The following VMP1 variants were observed in gnomAD, a reference collection of about 807,000 sequenced individuals.
VMP1 encodes vacuole membrane protein 1.
A neutral mutation model predicts 56.0 loss-of-function variants in VMP1; 11 were observed. The ratio of observed to expected loss-of-function variants is 0.20; its 90% CI spans 0.12 to 0.32. The LOEUF (loss-of-function observed/expected upper bound fraction) is 0.32. Ranked by LOEUF, VMP1 falls within the 10% of genes least tolerant of loss-of-function variation. VMP1 has a pLI of 1.00. For synonymous variants in VMP1, 149 were observed against 165.0 expected (o/e 0.90, Z 0.74); for missense variants, 296 against 490.3 (o/e 0.60, Z 3.74).
rs768031075 is a variant in VMP1 at position 59,737,568 on chromosome 17, C to G, written c.303+25C>G. The G allele has an allele frequency of 2.5e-6, 4 of 1,579,074 alleles. No homozygotes were observed. In the South Asian group the frequency reaches 3.5e-5, roughly 14 times the overall value. On this transcript the variant is annotated intron_variant, in intron 4 of 11. Coordinates refer to ENST00000262291, the MANE Select transcript of VMP1 (RefSeq NM_030938.5). ...GGTGAGAGGTCGAGCAATTCTGTTT[C>G]TAGTCTTGCACATTCTCTAATTCTC...
At chr17:59,765,678 AGAGGCT>A (rs1038289943) in intron 6 of VMP1, among the ~76,000 whole-genome samples, 6 of 152,110 alleles carry the variant, frequency 3.9e-5, no homozygotes, top group African/African-American at 1.4e-4. Flanking sequence ...TTCATGTTGA[AGAGGCT>A]GAGGCTGAGG....
At chr17:59,815,769 A>G (rs772798587) in intron 9 of VMP1, among the ~76,000 whole-genome samples, 1 of 149,670 alleles carries the variant, frequency 6.7e-6, no homozygotes, top group African/African-American at 2.5e-5. Flanking sequence ...AGGCAGGAGA[A>G]TGACGTGAAC....
Position 59,808,831 on chromosome 17 carries a change from A to G in VMP1, c.750A>G (p.Lys250=), listed in dbSNP as rs769761306. 1.1e-5 allele frequency: 18 copies of G among 1,613,980 alleles called. No individual in the cohort carries two copies. In the Admixed American group the frequency reaches 1.7e-4, roughly 15 times the overall value. ...FASRAKLAVQ[K]LVQKVGFFGI... is the part of the protein sequence containing the mutation. ...CCCGGGCCAAACTGGCAGTTCAAAA[A>G]CTAGTACAGAAAGTTGGATTTTTTG... The change falls in exon 8 of 12, where the codon AAA becomes AAG. Residue 250 remains lysine (K), a synonymous_variant. Coordinates refer to ENST00000262291, the MANE Select transcript of VMP1 (RefSeq NM_030938.5).
chr17:59,740,340 C>G (rs186703392), intron 5 of VMP1, among the ~76,000 whole-genome samples: 6 of 152,184 alleles, frequency 3.9e-5, no homozygotes, highest in African/African-American at 1.4e-4. Context: ...GAAAACACTT[C>G]CATATTTGAA....
At chr17:59,729,412 G>A (rs1459645145) in intron 1 of VMP1, among the ~76,000 whole-genome samples, 1 of 151,064 alleles carries the variant, frequency 6.6e-6, no homozygotes, top group Non-Finnish European at 1.5e-5. Context: ...GAACTCGGGA[G>A]GCAGAGGTTG....
At chr17:59,734,659 A>G (rs2034951361) in intron 2 of VMP1, among the ~76,000 whole-genome samples, 1 of 152,124 alleles carries the variant, frequency 6.6e-6, no homozygotes, top group African/African-American at 2.4e-5. Context: ...CTTGACCCCA[A>G]GAGTTGGAGT....
chr17:59,833,116 G>A (rs998609706), intron 10 of VMP1, among the ~76,000 whole-genome samples: 1 of 152,052 alleles, frequency 6.6e-6, no homozygotes, highest in Non-Finnish European at 1.5e-5. Context: ...CTCCCACCGT[G>A]TGTGCACTTT....
At position 59,840,902 on chromosome 17, in the gene VMP1, G is replaced by C. The variant is rs961855087; in HGVS notation, c.*991G>C. The C allele has an allele frequency of 5.8e-5, 9 of 155,920 alleles. No individual in the cohort carries two copies. The highest frequency in any genetic ancestry group is 2.2e-4 in the African/African-American group (9 of 41,474). The allele number at this position is 155,920 out of a possible 1,614,324, so 9.7% of individuals were successfully genotyped here. A position where few individuals can be genotyped will look rare whatever the true frequency, so the allele number is the denominator to read the frequency against. ...TTCTAAAAAAAAACCACACTCTGTCGTATCTGTGTTAATGTTTTCTAGCAT... is the reference window on the plus strand; with the variant it reads ...TTCTAAAAAAAAACCACACTCTGTCCTATCTGTGTTAATGTTTTCTAGCAT... On this transcript the variant is annotated 3_prime_UTR_variant, in exon 12 of 12. Coordinates refer to ENST00000262291, the MANE Select transcript of VMP1 (RefSeq NM_030938.5).
In VMP1 at chr17:59,771,166, CT is replaced by C. The variant is rs59535247; in HGVS notation, c.583-2576del. Among the ~76,000 whole-genome samples, 326 of 146,084 alleles carry C rather than the reference CT, an allele frequency of 2.2e-3. 1 individual carries two copies. Among genetic ancestry groups the C allele is most frequent in the East Asian group, 9.5e-3 (48 of 5,032 alleles). On this transcript the variant is annotated intron_variant, in intron 6 of 11. Coordinates refer to ENST00000262291, the MANE Select transcript of VMP1 (RefSeq NM_030938.5). Reference sequence around the variant, plus strand: ...TATTAGTATCCCAGTTACATTACACCTTTTTTTTTTTTGAATTATTAACTGG... The same window carrying C: ...TATTAGTATCCCAGTTACATTACACCTTTTTTTTTTTGAATTATTAACTGG...
At chr17:59,819,423 A>C (rs1393462347) in intron 10 of VMP1, among the ~76,000 whole-genome samples, 1 of 152,100 alleles carries the variant, frequency 6.6e-6, no homozygotes, top group East Asian at 1.9e-4. Context: ...AATTACTGGC[A>C]TGAGCCACCA....
intron 10 of VMP1, among the ~76,000 whole-genome samples, chr17:59,820,965 CT>C (rs201428600): frequency 1.4e-5 from 2 of 146,632 alleles, no homozygotes; most frequent in East Asian, 2.0e-4. Flanking sequence ...GTCTTTCTTT[CT>C]TTTTTTTGTT....
At position 59,792,603 on chromosome 17, in the gene VMP1, G is replaced by A. The variant is rs181102191; in HGVS notation, c.715-16193G>A. Among the ~76,000 whole-genome samples, 358 of 151,888 alleles carry A rather than the reference G, an allele frequency of 2.4e-3. 1 individual carries two copies. Among genetic ancestry groups the A allele is most frequent in the African/African-American group, 7.9e-3 (327 of 41,444 alleles). ...GATGAGGCTGGGCACGGTGGCTCAT[G>A]CCTGTAATCCTAGCACTTTGGGAGG... On this transcript the variant is annotated intron_variant, in intron 7 of 11. Coordinates refer to ENST00000262291, the MANE Select transcript of VMP1 (RefSeq NM_030938.5).
chr17:59,809,484 A>ATTTTT lies in VMP1; in HGVS notation c.795+644_795+648dup, dbSNP rs71145575. Among the ~76,000 whole-genome samples, 62 of 52,714 alleles carry ATTTTT rather than the reference A, an allele frequency of 1.2e-3. 5 individuals carry two copies. The highest frequency in any genetic ancestry group is 1.5e-3 in the Non-Finnish European group (49 of 31,638). 34.6% of individuals were successfully genotyped at this position (52,714 alleles called of 152,430 possible). A position where few individuals can be genotyped will look rare whatever the true frequency, so the allele number is the denominator to read the frequency against. ...AGGCGACTGCCACCACACCCAGCTA[A>ATTTTT]TTTTTTTTTTTTTTTTTTTTTTTTT... On this transcript the variant is annotated intron_variant, in intron 8 of 11. Coordinates refer to ENST00000262291, the MANE Select transcript of VMP1 (RefSeq NM_030938.5).
intron 9 of VMP1, among the ~76,000 whole-genome samples, chr17:59,813,605 A>G (rs1193040157): frequency 6.6e-6 from 1 of 151,856 alleles, no homozygotes; most frequent in Non-Finnish European, 1.5e-5. Flanking sequence ...ACCATACAGG[A>G]TTTTTTCAAA....
chr17:59,814,381 C>G (rs1404571598), intron 9 of VMP1, among the ~76,000 whole-genome samples: 2 of 152,148 alleles, frequency 1.3e-5, no homozygotes, highest in African/African-American at 2.4e-5. Context: ...TTTTGTAATT[C>G]TCAGAGGTAG....
intron 7 of VMP1, among the ~76,000 whole-genome samples, chr17:59,797,327 C>G (rs1413528913): frequency 7.2e-6 from 1 of 138,000 alleles, no homozygotes; most frequent in Non-Finnish European, 1.5e-5. Context: ...GGCGACATAG[C>G]AAGACTCTGT....
intron 10 of VMP1, among the ~76,000 whole-genome samples, chr17:59,824,716 T>C (rs1262312801): frequency 6.8e-6 from 1 of 146,052 alleles, no homozygotes; most frequent in Non-Finnish European, 1.5e-5. Flanking sequence ...CTACTAAAAA[T>C]ACAAAAATTA....
At chr17:59,807,788 C>T (rs1414851304) in intron 7 of VMP1, among the ~76,000 whole-genome samples, 8 of 146,080 alleles carry the variant, frequency 5.5e-5, no homozygotes, top group Non-Finnish European at 4.5e-5. Flanking sequence ...GCCAAGATCG[C>T]GCCATTGCAC....
chr17:59,740,940 G>A (rs988530001), intron 5 of VMP1, among the ~76,000 whole-genome samples: 7 of 152,224 alleles, frequency 4.6e-5, no homozygotes, highest in Non-Finnish European at 8.8e-5. Context: ...GCTCATGCCT[G>A]TAATTCCAGC....
Sources: gnomAD v4.1 joint callset for allele counts (sites outside exome capture counted in the v4.1 genomes callset) on GRCh38, gnomAD v4.1.1 for gene constraint, MANE v1.5 for transcripts, NCBI Gene and HGNC (gene_info 2026-07-23, HGNC 2026-07-21) for gene names.